Variants in CLVS1 observed in about 807,000 individuals in gnomAD.
The protein encoded by CLVS1 is clavesin-1.
A neutral mutation model predicts 33.1 loss-of-function variants in CLVS1; 10 were observed. The ratio of observed to expected loss-of-function variants is 0.30; its 90% CI spans 0.19 to 0.51. CLVS1 has a LOEUF of 0.51. Ranked by LOEUF, CLVS1 falls within the 20% of genes least tolerant of loss-of-function variation. The probability of loss-of-function intolerance (pLI) is 0.97; values close to 1 mark genes in which losing one functional copy is unlikely to be tolerated. For synonymous variants in CLVS1, 163 were observed against 166.1 expected (o/e 0.98, Z 0.14); for missense variants, 343 against 433.4 (o/e 0.79, Z 1.85).
intron 2 of CLVS1, among the ~76,000 whole-genome samples, chr8:61,336,162 G>A (rs1563502054): frequency 1.3e-5 from 2 of 152,188 alleles, no homozygotes; most frequent in South Asian, 2.1e-4. Context: ...TTGCTATGAC[G>A]CCATTCAAAT....
intron 2 of CLVS1, among the ~76,000 whole-genome samples, chr8:61,243,052 G>T (rs905272957): frequency 5.9e-5 from 9 of 152,074 alleles, no homozygotes; most frequent in Non-Finnish European, 8.8e-5. Context: ...TGGATCTTGT[G>T]AATGTTGTTT....
At chr8:61,141,273 G>T (rs1806303979) in intron 2 of CLVS1, among the ~76,000 whole-genome samples, 2 of 151,772 alleles carry the variant, frequency 1.3e-5, no homozygotes, top group Admixed American at 1.3e-4. Flanking sequence ...ATGGTCGAAA[G>T]GCCATAAAAT....
At chr8:61,411,412 GAGA>G (rs1282561546) in intron 3 of CLVS1, among the ~76,000 whole-genome samples, 2 of 152,280 alleles carry the variant, frequency 1.3e-5, no homozygotes, top group East Asian at 3.9e-4. Flanking sequence ...CTGAGCAGTG[GAGA>G]CAGAGGCTGG....
At chr8:61,160,048 C>G (rs1806723862) in intron 2 of CLVS1, among the ~76,000 whole-genome samples, 1 of 152,194 alleles carries the variant, frequency 6.6e-6, no homozygotes, top group African/African-American at 2.4e-5. Flanking sequence ...TTGCTGCTCA[C>G]TGTAAGTGGA....
At chr8:61,209,787 G>A (rs1807934393) in intron 2 of CLVS1, among the ~76,000 whole-genome samples, 1 of 152,026 alleles carries the variant, frequency 6.6e-6, no homozygotes, top group Non-Finnish European at 1.5e-5. Context: ...CAGTGTGGTA[G>A]GCAGAATTCA....
intron 2 of CLVS1, among the ~76,000 whole-genome samples, chr8:61,366,740 A>G (rs959832983): frequency 3.3e-5 from 5 of 152,182 alleles, no homozygotes; most frequent in African/African-American, 1.2e-4. Flanking sequence ...GTTGGAGCTG[A>G]TGGTCTAGAC....
At chr8:61,443,475 G>T (rs1816643404) in intron 3 of CLVS1, among the ~76,000 whole-genome samples, 1 of 151,998 alleles carries the variant, frequency 6.6e-6, no homozygotes, top group South Asian at 2.1e-4. Context: ...ATGTCCTATT[G>T]CTCCAGCACC....
intron 3 of CLVS1, among the ~76,000 whole-genome samples, chr8:61,412,624 G>T (rs763180432): frequency 2.6e-5 from 4 of 152,176 alleles, no homozygotes; most frequent in Non-Finnish European, 5.9e-5. Context: ...TGTAACAACC[G>T]GAGATGGGGC....
chr8:61,124,720 T>C (rs1805940345), intron 1 of CLVS1, among the ~76,000 whole-genome samples: 1 of 152,196 alleles, frequency 6.6e-6, no homozygotes, highest in African/African-American at 2.4e-5. Context: ...CCTTTAAAAA[T>C]TGTGAATGTC....
chr8:61,237,766 G>T (rs978794794), intron 2 of CLVS1, among the ~76,000 whole-genome samples: 16 of 152,290 alleles, frequency 1.1e-4, no homozygotes, highest in African/African-American at 3.8e-4. Flanking sequence ...CTATGAATCT[G>T]CAACATGTGG....
intron 1 of CLVS1, chr8:61,057,338 G>C (rs953555476): frequency 2.7e-5 from 4 of 149,006 alleles, no homozygotes; most frequent in Non-Finnish European, 4.4e-5. Flanking sequence ...AATTTCTATT[G>C]ATTGAGCCTG....
intron 2 of CLVS1, among the ~76,000 whole-genome samples, chr8:61,317,212 A>C (rs1389473274): frequency 6.6e-6 from 1 of 152,194 alleles, no homozygotes; most frequent in East Asian, 1.9e-4. Context: ...GGTGAGGGTT[A>C]TTCTCTGCTT....
At chr8:61,010,004 C>T in the CLVS1 span, among the ~76,000 whole-genome samples, 1 of 152,166 alleles carries the variant, frequency 6.6e-6, no homozygotes, top group Non-Finnish European at 1.5e-5. Flanking sequence ...AAATGCCTCT[C>T]CTTGCTCCCT....
At chr8:61,140,386 A>G (rs1372630210) in intron 2 of CLVS1, among the ~76,000 whole-genome samples, 1 of 152,128 alleles carries the variant, frequency 6.6e-6, no homozygotes, top group Non-Finnish European at 1.5e-5. Flanking sequence ...AACTTCCGCT[A>G]AGAGATTTGG....
intron 1 of CLVS1, among the ~76,000 whole-genome samples, chr8:61,075,689 T>C (rs1804897425): frequency 6.6e-6 from 1 of 152,148 alleles, no homozygotes; most frequent in Non-Finnish European, 1.5e-5. Context: ...TTTTTCACCT[T>C]CCCCCTTTTA....
At chr8:61,175,294 C>T (rs1028152704) in intron 2 of CLVS1, among the ~76,000 whole-genome samples, 9 of 152,110 alleles carry the variant, frequency 5.9e-5, no homozygotes, top group African/African-American at 2.2e-4. Context: ...TAAAAGAAGC[C>T]CCAGAGAGCT....
intron 2 of CLVS1, among the ~76,000 whole-genome samples, chr8:61,323,668 T>C (rs1195788847): frequency 6.6e-6 from 1 of 152,098 alleles, no homozygotes; most frequent in South Asian, 2.1e-4. Context: ...TTTCAACTTT[T>C]ATTTTAAGTT....
chr8:61,218,089 T>C (rs1808131181), intron 2 of CLVS1, among the ~76,000 whole-genome samples: 1 of 150,722 alleles, frequency 6.6e-6, no homozygotes, highest in African/African-American at 2.4e-5. Context: ...GAGAACAGTA[T>C]AGAGGTTTCT....
chr8:61,204,701 T>G (rs1807804248), intron 2 of CLVS1, among the ~76,000 whole-genome samples: 1 of 152,228 alleles, frequency 6.6e-6, no homozygotes, highest in African/African-American at 2.4e-5. Flanking sequence ...TAAAGCAGAT[T>G]ACACTATAAA....
Sources: allele counts gnomAD v4.1 joint callset (sites outside exome capture counted in the v4.1 genomes callset), GRCh38; gene constraint gnomAD v4.1.1; transcripts MANE v1.5; gene names NCBI Gene and HGNC (gene_info 2026-07-23, HGNC 2026-07-21).